Variants in CD200 observed in about 807,000 individuals in gnomAD.
CD200 encodes CD200 molecule, also known as OX-2 membrane glycoprotein.
In CD200, 15 loss-of-function variants were observed where a neutral mutation model predicts 30.9. That is an observed-to-expected ratio of 0.49 (90% CI 0.32 to 0.75). The LOEUF is 0.75. Among genes scored for constraint, CD200 ranks in the 30% least tolerant of loss-of-function variants. The pLI is 0.03. For synonymous variants in CD200, 134 were observed against 126.2 expected, an observed-to-expected ratio of 1.06 and a Z score of -0.41; for missense variants, 262 against 324.2, an observed-to-expected ratio of 0.81 and a Z score of 1.47.
intron 5 of CD200, among the ~76,000 whole-genome samples, chr3:112,357,271 A>AAAAGAAAGAAAGAAAGAAAG: frequency 7.2e-6 from 1 of 139,798 alleles, no homozygotes; most frequent in Non-Finnish European, 1.5e-5. Context: ...AAAAAAAAAA[A>AAAAGAAAGAAAGAAAGAAAG]AAAGAAAGAA....
chr3:112,347,725 A>G lies in CD200; in HGVS notation c.589A>G (p.Ser197Gly). 1 of 1,614,032 alleles carries G rather than the reference A, an allele frequency of 6.2e-7. No homozygotes were observed. The highest frequency in any genetic ancestry group is 1.6e-4 in the Middle Eastern group (1 of 6,062). Residue 197 changes from serine (S) to glycine (G), a missense_variant, in exon 4 of 6, where the codon AGC (serine) becomes GGC (glycine). Physicochemically the swap from Ser to Gly is moderately conservative, Grantham distance 56. Transcript: ENST00000315711. ...CCCAAATGGGACCACGTCTGTTACC[A>G]GCATCCTCCATATCAAAGACCCTAA... Reference protein sequence around the residue: ...SHPNGTTSVTSILHIKDPKNQ... With the variant: ...SHPNGTTSVTGILHIKDPKNQ...
In CD200 at chr3:112,333,959, T is replaced by C. The variant is rs527787309; in HGVS notation, c.12+735T>C. 1.0e-5 allele frequency: 10 copies of C among 985,082 alleles called. No homozygotes were observed. In the East Asian group the frequency reaches 7.9e-4, roughly 78 times the overall value. The allele number at this position is 985,082 out of a possible 1,614,324, so 61.0% of individuals were successfully genotyped here. On this transcript the variant is annotated intron_variant, in intron 1 of 5. Transcript: ENST00000315711. ...ATTGGTATATGAAATCCAAATACAA[T>C]GGTATTGGTATAAGAATCCAAATAC...
intron 5 of CD200, 118 bp downstream of exon 5, chr3:112,349,937 T>A: frequency 1.5e-6 from 2 of 1,355,262 alleles, no homozygotes; most frequent in East Asian, 5.6e-5. Context: ...TTGTCTGTTG[T>A]TTCCAAAATA....
chr3:112,343,997 T>G (rs1365337643), intron 2 of CD200, among the ~76,000 whole-genome samples: 3 of 152,216 alleles, frequency 2.0e-5, no homozygotes, highest in African/African-American at 7.2e-5. Context: ...TGTTCTTACT[T>G]TTTACTAATT....
At chr3:112,359,072 G>C (rs1265810698) in intron 5 of CD200, among the ~76,000 whole-genome samples, 1 of 152,162 alleles carries the variant, frequency 6.6e-6, no homozygotes, top group African/African-American at 2.4e-5. Flanking sequence ...GAGTTTAGAA[G>C]AATCCTAAAA....
At chr3:112,350,028 T>A in intron 5 of CD200, 1 of 939,526 alleles carries the variant, frequency 1.1e-6, no homozygotes, top group Non-Finnish European at 1.3e-6. Context: ...CTGCTTTTTG[T>A]TTGCTAAGAT....
rs117407207 is a variant in CD200, at chr3:112,343,440, A to G, written c.95-1522A>G. 1.0e-3 allele frequency among the ~76,000 whole-genome samples: 152 copies of G among 152,158 alleles called. 2 individuals are homozygous for G. The East Asian group carries it at 0.017, about 17-fold the overall frequency. On this transcript the variant is annotated intron_variant, in intron 2 of 5. Transcript: ENST00000315711. ...TGTCCTATGCTCCTGAGTAGCCAGG[A>G]CTACAAGTACATGACGCTACGGCTG...
chr3:112,358,689 A>T (rs1320728413), intron 5 of CD200, among the ~76,000 whole-genome samples: 1 of 152,044 alleles, frequency 6.6e-6, no homozygotes, highest in Non-Finnish European at 1.5e-5. Flanking sequence ...GTGCTTGTAG[A>T]TCCAAAGCTG....
At chr3:112,340,820 C>A in intron 1 of CD200, 82 bp from the exon 2 acceptor site, 1 of 942,516 alleles carries the variant, frequency 1.1e-6, no homozygotes, top group East Asian at 2.4e-5. Flanking sequence ...ACAACATTCC[C>A]TGAAATAGCG....
intron 1 of CD200, among the ~76,000 whole-genome samples, chr3:112,337,808 C>T (rs2081152434): frequency 6.6e-6 from 1 of 152,026 alleles, no homozygotes; most frequent in Admixed American, 6.6e-5. Context: ...GTTCCAAGAC[C>T]CTCACAGATA....
At chr3:112,341,606 A>G (rs775966406) in intron 2 of CD200, among the ~76,000 whole-genome samples, 41 of 152,308 alleles carry the variant, frequency 2.7e-4, no homozygotes, top group Middle Eastern at 6.8e-3. Flanking sequence ...AAGATCAGAT[A>G]GGCTTCATGC....
At chr3:112,335,455 G>A (rs1301923275) in intron 1 of CD200, among the ~76,000 whole-genome samples, 1 of 152,162 alleles carries the variant, frequency 6.6e-6, no homozygotes, top group Non-Finnish European at 1.5e-5. Context: ...TTGTCCTAAT[G>A]GCACCTTCAG....
upstream of CD200, chr3:112,332,910 G>A: frequency 2.3e-6 from 1 of 436,846 alleles, no homozygotes; most frequent in Non-Finnish European, 4.1e-6. Flanking sequence ...GCAGGAAAAT[G>A]GAAAAAAAAA....
intron 1 of CD200, chr3:112,333,497 G>C (rs2081044144): frequency 2.2e-5 from 22 of 985,460 alleles, no homozygotes; most frequent in Non-Finnish European, 2.5e-5. Flanking sequence ...ACCAGGCCGG[G>C]GCTCCGGGGG....
At chr3:112,336,147 C>T in intron 1 of CD200, 1 of 666,588 alleles carries the variant, frequency 1.5e-6, no homozygotes, top group Non-Finnish European at 2.7e-6. Flanking sequence ...GGTACTTCCT[C>T]TTGAAATTTC....
At chr3:112,357,724 T>C (rs2081654089) in intron 5 of CD200, among the ~76,000 whole-genome samples, 1 of 152,114 alleles carries the variant, frequency 6.6e-6, no homozygotes, top group Non-Finnish European at 1.5e-5. Flanking sequence ...CAGTAAGTCT[T>C]AATGTCATCA....
At position 112,345,241 on chromosome 3, in the gene CD200, C is replaced by G; in HGVS notation, c.374C>G (p.Thr125Ser). 6.2e-7 allele frequency: 1 copy of G among 1,614,028 alleles called. No individual in the cohort carries two copies. The change falls in exon 3 of 6, where the codon ACC becomes AGC. Residue 125 changes from threonine (T) to serine (S), a missense_variant. Physicochemically the swap from Thr to Ser is moderately conservative, Grantham distance 58. Transcript: ENST00000315711. ...GGGTGTTACATGTGTCTCTTCAATACCTTTGGTTTTGGGAAGATCTCAGGA... is the reference window on the plus strand; with the variant it reads ...GGGTGTTACATGTGTCTCTTCAATAGCTTTGGTTTTGGGAAGATCTCAGGA... ...DEGCYMCLFN[T>S]FGFGKISGTA... is the part of the protein sequence containing the mutation.
Position 112,357,798 on chromosome 3 carries a change from G to A in CD200, c.803-3745G>A, listed in dbSNP as rs368021540. On this transcript the variant is annotated intron_variant, in intron 5 of 5. Coordinates refer to ENST00000315711, the MANE Select transcript of CD200 (RefSeq NM_005944.7). Reference sequence around the variant, plus strand: ...TGTAACAGAACCAATTTTACCACAGGCTAAATGATAGAAACAAGACTTAAG... The same window carrying A: ...TGTAACAGAACCAATTTTACCACAGACTAAATGATAGAAACAAGACTTAAG... 9.6e-4 allele frequency among the ~76,000 whole-genome samples: 146 copies of A among 152,220 alleles called. 3 individuals carry two copies. In the South Asian group the frequency reaches 0.029, roughly 30 times the overall value.
chr3:112,360,333 A>AAAAAAATATATATAT (rs879786648), intron 5 of CD200, among the ~76,000 whole-genome samples: 3 of 141,196 alleles, frequency 2.1e-5, no homozygotes, highest in East Asian at 3.9e-4. Context: ...ATCTAAAAAA[A>AAAAAAATATATATAT]ATATATATAT....
Sources: allele counts gnomAD v4.1 joint callset (sites outside exome capture counted in the v4.1 genomes callset), GRCh38; gene constraint gnomAD v4.1.1; transcripts MANE v1.5; gene names NCBI Gene and HGNC (gene_info 2026-07-23, HGNC 2026-07-21).